ELMOD2: variants seen among roughly 807,000 people sequenced by gnomAD.
ELMOD2 encodes ELMO domain containing 2, also known as ELMO domain-containing protein 2.
ELMOD2 carries 28 observed loss-of-function variants against 41.0 expected under a neutral mutation model. The ratio of observed to expected loss-of-function variants is 0.68; its 90% confidence interval spans 0.51 to 0.94. The LOEUF (loss-of-function observed/expected upper bound fraction) is 0.94. Ranked by LOEUF, ELMOD2 falls within the 40% of genes least tolerant of loss-of-function variation. ELMOD2 has a pLI of 0.00. For missense variants in ELMOD2, 333 were observed against 343.1 expected, an observed-to-expected ratio of 0.97 and a Z score of 0.23; for synonymous variants, 106 against 107.2, an observed-to-expected ratio of 0.99 and a Z score of 0.07.
chr4:140,541,507 C>T (rs1218557081), intron 6 of ELMOD2, among the ~76,000 whole-genome samples: 1 of 151,982 alleles, frequency 6.6e-6, no homozygotes, highest in African/African-American at 2.4e-5. Flanking sequence ...AAATAGTCAA[C>T]TGAGGGCATT....
At chr4:140,536,477 G>T (rs1734931206) in intron 4 of ELMOD2, among the ~76,000 whole-genome samples, 1 of 152,172 alleles carries the variant, frequency 6.6e-6, no homozygotes, top group Non-Finnish European at 1.5e-5. Context: ...ATTTACACTG[G>T]ACCTTGATGA....
intron 4 of ELMOD2, among the ~76,000 whole-genome samples, chr4:140,536,391 G>A (rs550237702): frequency 6.6e-6 from 1 of 152,258 alleles, no homozygotes; most frequent in South Asian, 2.1e-4. Flanking sequence ...GAATATAGAG[G>A]AAGGAACAAT....
At chr4:140,537,301 T>G (rs1734960701) in intron 4 of ELMOD2, 111 bp from the exon 5 acceptor site, 1 of 1,000,074 alleles carries the variant, frequency 1.0e-6, no homozygotes, top group African/African-American at 1.7e-5. Flanking sequence ...GGTCTTATAT[T>G]AAACTGAAAG....
At chr4:140,535,931 G>A in intron 4 of ELMOD2, 101 bp downstream of exon 4, 2 of 1,035,226 alleles carry the variant, frequency 1.9e-6, no homozygotes, top group Non-Finnish European at 1.4e-6. Flanking sequence ...AGGGTTTGTG[G>A]AGATCATCTG....
At chr4:140,540,825 T>C (rs1735082908) in intron 6 of ELMOD2, among the ~76,000 whole-genome samples, 1 of 152,208 alleles carries the variant, frequency 6.6e-6, no homozygotes, top group African/African-American at 2.4e-5. Context: ...CTCTCCTTTT[T>C]CTTTCTGATT....
chr4:140,529,184 C>T (rs1734662612), intron 3 of ELMOD2, among the ~76,000 whole-genome samples: 2 of 152,154 alleles, frequency 1.3e-5, no homozygotes, highest in South Asian at 2.1e-4. Context: ...CTGCTGCAGC[C>T]GTTCCTGCTG....
chr4:140,529,052 T>A (rs1734658547), intron 3 of ELMOD2, among the ~76,000 whole-genome samples: 1 of 152,218 alleles, frequency 6.6e-6, no homozygotes. Flanking sequence ...ACAAGAGTAG[T>A]CCTTAAACTT....
rs1045870641 is a variant in ELMOD2 at position 140,551,035 on chromosome 4, CCA to C, written c.*663_*664del. ...TTTTTAAATAACACACTTTAAAATGCCACAGTGTTATTTGAAAGCTTAAAGGC... is the reference window on the plus strand; with the variant it reads ...TTTTTAAATAACACACTTTAAAATGCCAGTGTTATTTGAAAGCTTAAAGGC... On this transcript the variant is annotated 3_prime_UTR_variant, in exon 9 of 9. Coordinates refer to ENST00000323570, the MANE Select transcript of ELMOD2 (RefSeq NM_153702.4). 2.0e-5 allele frequency: 3 copies of C among 152,004 alleles called. No individual in the cohort carries two copies. The highest frequency in any genetic ancestry group is 2.9e-5 in the Non-Finnish European group (2 of 67,952). 9.4% of individuals were successfully genotyped at this position (152,004 alleles called of 1,614,324 possible). A position where few individuals can be genotyped will look rare whatever the true frequency, so the allele number is the denominator to read the frequency against.
intron 5 of ELMOD2, among the ~76,000 whole-genome samples, chr4:140,538,636 G>A (rs1735006780): frequency 6.6e-6 from 1 of 151,970 alleles, no homozygotes; most frequent in Non-Finnish European, 1.5e-5. Context: ...TTCCTTTTGA[G>A]GGAAAAAAGT....
At chr4:140,525,694 T>C (rs1223371557) in intron 2 of ELMOD2, 124 bp downstream of exon 2, 2 of 1,065,538 alleles carry the variant, frequency 1.9e-6, no homozygotes, top group African/African-American at 3.3e-5. Context: ...TTTCATAAGC[T>C]CTGAAGTCCC....
intron 1 of ELMOD2, 161 bp downstream of exon 1, chr4:140,524,441 A>AT (rs1324418354): frequency 3.6e-6 from 1 of 280,318 alleles, no homozygotes; most frequent in Non-Finnish European, 5.4e-6. Context: ...GCGGCGCGCG[A>AT]GGGGGGTCGG....
At position 140,535,836 on chromosome 4, in the gene ELMOD2, C is replaced by A. The variant is rs761606647; in HGVS notation, c.269+6C>A. ...AACCCTGAGAAGGATGCCAGGTGTG[C>A]GTTTTTTACATTATTCTTTTTTATT... On this transcript the variant is annotated splice_donor_region_variant and intron_variant, in intron 4 of 8. Transcript: ENST00000323570. 1 of 1,592,394 alleles carries A rather than the reference C, an allele frequency of 6.3e-7. No individual in the cohort carries two copies. Among genetic ancestry groups the A allele is most frequent in the Non-Finnish European group, 8.5e-7 (1 of 1,173,528 alleles).
chr4:140,532,725 A>G (rs1471121763), intron 3 of ELMOD2, among the ~76,000 whole-genome samples: 2 of 152,216 alleles, frequency 1.3e-5, no homozygotes. Flanking sequence ...AGACAAATAT[A>G]TGTACTTTCT....
In ELMOD2 at chr4:140,535,788, A is replaced by C; in HGVS notation, c.227A>C (p.Asp76Ala). ...VQSEVDKYVD[D>A]IMKEKNINPE... ...AGTGAAGTGGACAAATATGTAGATGATATTATGAAGGAAAAGAATATTAAC... is the reference window on the plus strand; with the variant it reads ...AGTGAAGTGGACAAATATGTAGATGCTATTATGAAGGAAAAGAATATTAAC... The change falls in exon 4 of 9, where the codon GAT becomes GCT. Residue 76 changes from aspartate to alanine, a missense_variant. By Grantham distance (126) the Asp-to-Ala change is moderately radical. Coordinates refer to ENST00000323570, the MANE Select transcript of ELMOD2 (RefSeq NM_153702.4). 1.9e-6 allele frequency: 3 copies of C among 1,611,016 alleles called. No individual in the cohort carries two copies. Among genetic ancestry groups the C allele is most frequent in the Non-Finnish European group, 2.5e-6 (3 of 1,179,200 alleles).
In ELMOD2 at chr4:140,550,279, A is replaced by G. The variant is rs201598189; in HGVS notation, c.786A>G (p.Glu262=). 7.2e-5 allele frequency: 116 copies of G among 1,611,524 alleles called. 1 individual carries two copies. The highest frequency in any genetic ancestry group is 5.9e-6 in the Non-Finnish European group (7 of 1,178,706). Residue 262 remains glutamate (E), a synonymous_variant, in exon 9 of 9, where the codon GAA becomes GAG. Coordinates refer to ENST00000323570, the MANE Select transcript of ELMOD2 (RefSeq NM_153702.4). The part of the protein sequence containing the change: ...FDKFWFEEEP[E]SIMYFNLYRE... ...AGTTTTGGTTTGAAGAAGAACCAGAAAGCATTATGTATTTCAATTTGTATA... is the reference window on the plus strand; with the variant it reads ...AGTTTTGGTTTGAAGAAGAACCAGAGAGCATTATGTATTTCAATTTGTATA...
At chr4:140,537,289 TG>T in intron 4 of ELMOD2, 122 bp from the exon 5 acceptor site, 1 of 807,668 alleles carries the variant, frequency 1.2e-6, no homozygotes, top group Non-Finnish European at 1.8e-6. Flanking sequence ...TGGCCTTTGG[TG>T]GGTCTTATAT....
chr4:140,524,640 C>T (rs553458172), intron 1 of ELMOD2: 1 of 985,388 alleles, frequency 1.0e-6, no homozygotes, highest in Non-Finnish European at 1.2e-6. Context: ...TCGACAGTCC[C>T]TCCTCAGGCC....
At chr4:140,544,129 G>A (rs926747658) in intron 8 of ELMOD2, among the ~76,000 whole-genome samples, 4 of 152,094 alleles carry the variant, frequency 2.6e-5, no homozygotes, top group African/African-American at 4.8e-5. Context: ...AATTGAATGA[G>A]TCCATCTTCT....
At chr4:140,540,041 T>C (rs1735057200) in intron 5 of ELMOD2, 127 bp from the exon 6 acceptor site, 11 of 1,106,654 alleles carry the variant, frequency 9.9e-6, no homozygotes, top group Non-Finnish European at 1.4e-5. Flanking sequence ...TTTAGGATAA[T>C]TGAAAAATGT....
Sources: allele counts gnomAD v4.1 joint callset (sites outside exome capture counted in the v4.1 genomes callset), GRCh38; gene constraint gnomAD v4.1.1; transcripts MANE v1.5; gene names NCBI Gene and HGNC (gene_info 2026-07-23, HGNC 2026-07-21).